The following UGT1A9 variants were observed in gnomAD, a reference collection of about 807,000 sequenced individuals.
UGT1A9 encodes the protein UDP-glucuronosyltransferase 1A9.
In UGT1A9, 35 loss-of-function variants were observed where a neutral mutation model predicts 45.0. The observed-to-expected ratio is 0.78, with a 90% CI of 0.59 to 1.03. The LOEUF (loss-of-function observed/expected upper bound fraction) is 1.03. Among genes scored for constraint, UGT1A9 ranks in the 50% least tolerant of loss-of-function variants. The pLI is 0.00. For missense variants in UGT1A9, 687 were observed against 666.6 expected, an observed-to-expected ratio of 1.03 and a Z score of -0.34; for synonymous variants, 278 against 250.6, an observed-to-expected ratio of 1.11 and a Z score of -1.03.
chr2:233,687,709 C>T (rs1309741669), intron 1 of UGT1A9, among the ~76,000 whole-genome samples: 1 of 151,936 alleles, frequency 6.6e-6, no homozygotes, highest in Non-Finnish European at 1.5e-5. Context: ...TTGAGACCAG[C>T]CTGGACAACA....
At chr2:233,692,938 C>T (rs770236705) in intron 1 of UGT1A9, 113 of 1,592,260 alleles carry the variant, frequency 7.1e-5, no homozygotes, top group Non-Finnish European at 9.0e-5. Flanking sequence ...AGGGAAAATA[C>T]CTAGGAGCCC....
chr2:233,730,374 G>C (rs986236610), intron 1 of UGT1A9, among the ~76,000 whole-genome samples: 2 of 152,170 alleles, frequency 1.3e-5, no homozygotes, highest in African/African-American at 4.8e-5. Flanking sequence ...ATGATTTTCA[G>C]GGGAAAGATG....
chr2:233,672,703 T>G lies in UGT1A9; in HGVS notation c.769T>G (p.Phe257Val), dbSNP rs759716033. Reference protein sequence around the residue: ...HTSIWLLRTDFVLDYPKPVMP... With the variant: ...HTSIWLLRTDVVLDYPKPVMP... ...ATCAATTTGGTTGTTGCGAACGGACTTTGTTTTGGACTATCCCAAACCCGT... is the reference window on the plus strand; with the variant it reads ...ATCAATTTGGTTGTTGCGAACGGACGTTGTTTTGGACTATCCCAAACCCGT... The change falls in exon 1 of 5, where the codon TTT becomes GTT. Residue 257 changes from phenylalanine (F) to valine (V), a missense_variant. By Grantham distance (50) the Phe-to-Val change is conservative. Transcript: ENST00000354728. 6.2e-6 allele frequency: 10 copies of G among 1,613,976 alleles called. No individual in the cohort carries two copies. The highest frequency in any genetic ancestry group is 1.3e-5 in the African/African-American group (1 of 75,036).
intron 1 of UGT1A9, among the ~76,000 whole-genome samples, chr2:233,728,574 G>A (rs45507691): frequency 0.037 from 5,630 of 152,284 alleles, 132 homozygotes; most frequent in Non-Finnish European, 0.057. Flanking sequence ...ATCCTGGTGC[G>A]AAAAACGACC....
chr2:233,693,505 T>G, intron 1 of UGT1A9: 2 of 1,614,198 alleles, frequency 1.2e-6, no homozygotes, highest in Non-Finnish European at 1.7e-6. Context: ...GCCTACCATC[T>G]GTGTACCTCT....
chr2:233,753,976 G>A (rs531716097), intron 1 of UGT1A9, among the ~76,000 whole-genome samples: 12 of 152,206 alleles, frequency 7.9e-5, no homozygotes, highest in Non-Finnish European at 1.6e-4. Flanking sequence ...AACGTGTGTT[G>A]TTTTAAGCCA....
intron 1 of UGT1A9, among the ~76,000 whole-genome samples, chr2:233,744,344 C>A (rs1692781957): frequency 6.6e-6 from 1 of 151,846 alleles, no homozygotes; most frequent in African/African-American, 2.4e-5. Flanking sequence ...CTGACTGGGG[C>A]TGAAGACATC....
chr2:233,739,515 T>C (rs1354597011), intron 1 of UGT1A9, among the ~76,000 whole-genome samples: 1 of 152,234 alleles, frequency 6.6e-6, no homozygotes, highest in Non-Finnish European at 1.5e-5. Context: ...ATGTGAGACA[T>C]GAAGTCAAGG....
intron 1 of UGT1A9, among the ~76,000 whole-genome samples, chr2:233,744,283 G>A (rs1174780649): frequency 6.6e-6 from 1 of 151,820 alleles, no homozygotes; most frequent in Non-Finnish European, 1.5e-5. Context: ...CTTTATATCA[G>A]TCTTTTTCCT....
rs910583774 is a variant in UGT1A9 at position 233,730,144 on chromosome 2, T to G, written c.856-36890T>G. The G allele has an allele frequency of 2.1e-5, 31 of 1,508,278 alleles. No individual in the cohort carries two copies. In the East Asian group the frequency reaches 2.9e-4, roughly 14 times the overall value. 93.4% of individuals were successfully genotyped at this position (1,508,278 alleles called of 1,614,324 possible). On this transcript the variant is annotated intron_variant, in intron 1 of 4. Transcript: ENST00000354728. ...CATAATAGCCTTCAGTGAGATAAAC[T>G]GTTAAGGGGTCTCTAGTAGCGTATT...
chr2:233,755,331 G>A (rs568550751), intron 1 of UGT1A9: 25 of 462,098 alleles, frequency 5.4e-5, no homozygotes, highest in Admixed American at 1.1e-4. Flanking sequence ...GCCAGCACCC[G>A]CGCACAGGTC....
intron 1 of UGT1A9, chr2:233,690,716 G>C (rs1177258267): frequency 1.3e-5 from 16 of 1,217,412 alleles, no homozygotes; most frequent in Non-Finnish European, 1.7e-5. Context: ...TCATTATGAC[G>C]AACAGACATG....
In UGT1A9 at chr2:233,772,749, G is replaced by T. The variant is rs901299936; in HGVS notation, c.*190G>T. The T allele has an allele frequency of 1.4e-6, 2 of 1,420,114 alleles. No individual in the cohort carries two copies. The highest frequency in any genetic ancestry group is 1.8e-6 in the Non-Finnish European group (2 of 1,083,638). The allele number at this position is 1,420,114 out of a possible 1,614,324, so 88.0% of individuals were successfully genotyped here. A position where few individuals can be genotyped will look rare whatever the true frequency, so the allele number is the denominator to read the frequency against. On this transcript the variant is annotated 3_prime_UTR_variant, in exon 5 of 5. Coordinates refer to ENST00000354728, the MANE Select transcript of UGT1A9 (RefSeq NM_021027.3). ...GACTCGCTAGTCAGTAAAGATATTTGAATATGTATCGTGCCCCCTCTGGTG... is the reference window on the plus strand; with the variant it reads ...GACTCGCTAGTCAGTAAAGATATTTTAATATGTATCGTGCCCCCTCTGGTG...
At chr2:233,767,258 C>A in intron 2 of UGT1A9, 93 bp downstream of exon 2, 1 of 1,592,782 alleles carries the variant, frequency 6.3e-7, no homozygotes, top group Non-Finnish European at 8.5e-7. Flanking sequence ...TTAATTGGAA[C>A]CTTAGATTTG....
intron 1 of UGT1A9, among the ~76,000 whole-genome samples, chr2:233,758,576 G>A (rs1696917059): frequency 6.6e-6 from 1 of 152,184 alleles, no homozygotes; most frequent in Admixed American, 6.5e-5. Context: ...AAAAAATGAA[G>A]AGTGTTTGGG....
At chr2:233,679,847 T>C (rs1226172483) in intron 1 of UGT1A9, among the ~76,000 whole-genome samples, 1 of 152,204 alleles carries the variant, frequency 6.6e-6, no homozygotes, top group Non-Finnish European at 1.5e-5. Context: ...TCAAATCACA[T>C]TGGCATCTAT....
At chr2:233,702,908 A>G (rs1242478839) in intron 1 of UGT1A9, among the ~76,000 whole-genome samples, 5 of 152,174 alleles carry the variant, frequency 3.3e-5, no homozygotes, top group Non-Finnish European at 7.4e-5. Flanking sequence ...AGATATTGGA[A>G]GTCTTATTTT....
Position 233,754,628 on chromosome 2 carries a change from C to T in UGT1A9, c.856-12406C>T, listed in dbSNP as rs183484892. ...ACTCTCCATCTTCCTCCACTTCCAC[C>T]CTTTCTTGGCCATTCTCAATGATTC... On this transcript the variant is annotated intron_variant, in intron 1 of 4. Coordinates refer to ENST00000354728, the MANE Select transcript of UGT1A9 (RefSeq NM_021027.3). The T allele has an allele frequency of 4.7e-3, 2,102 of 443,188 alleles. 38 individuals are homozygous for T. The highest frequency in any genetic ancestry group is 0.023 in the South Asian group (1,446 of 63,040). 27.5% of individuals were successfully genotyped at this position (443,188 alleles called of 1,614,324 possible). A position where few individuals can be genotyped will look rare whatever the true frequency, so the allele number is the denominator to read the frequency against.
At chr2:233,711,208 C>T (rs748889807) in intron 1 of UGT1A9, among the ~76,000 whole-genome samples, 9 of 152,240 alleles carry the variant, frequency 5.9e-5, no homozygotes, top group Admixed American at 1.3e-4. Context: ...CCTGCTCTCC[C>T]CAGTGCTCCC....
Sources: allele counts gnomAD v4.1 joint callset (sites outside exome capture counted in the v4.1 genomes callset), GRCh38; gene constraint gnomAD v4.1.1; transcripts MANE v1.5; gene names NCBI Gene and HGNC (gene_info 2026-07-23, HGNC 2026-07-21).